The following PACRG variants were observed in gnomAD, a reference collection of about 807,000 sequenced individuals.
The protein encoded by PACRG is parkin coregulated gene protein.
In PACRG, 29 loss-of-function variants were observed where a neutral mutation model predicts 29.7. That is an observed-to-expected ratio of 0.98 (90% CI 0.73 to 1.33). PACRG has a LOEUF of 1.33. PACRG is among the 40% of genes most tolerant of loss of function. The probability of loss-of-function intolerance (pLI) is 0.00; values close to 1 mark genes in which losing one functional copy is unlikely to be tolerated. For missense variants in PACRG, 279 were observed against 316.2 expected, an observed-to-expected ratio of 0.88 and a Z score of 0.89; for synonymous variants, 116 against 118.7, an observed-to-expected ratio of 0.98 and a Z score of 0.15.
chr6:163,041,951 C>T (rs144592017), intron 2 of PACRG, among the ~76,000 whole-genome samples: 2,434 of 152,244 alleles, frequency 0.016, 76 homozygotes, highest in Admixed American at 0.085. Flanking sequence ...CTGCAACTTC[C>T]GCCTCCCGGG....
At chr6:163,225,591 C>T (rs770680597) in intron 4 of PACRG, among the ~76,000 whole-genome samples, 4 of 152,128 alleles carry the variant, frequency 2.6e-5, no homozygotes, top group Non-Finnish European at 5.9e-5. Context: ...AAAAAGAGGA[C>T]CCTTACGCAC....
chr6:163,017,688 A>C (rs531022617), intron 2 of PACRG, among the ~76,000 whole-genome samples: 14 of 152,318 alleles, frequency 9.2e-5, no homozygotes, highest in Non-Finnish European at 1.9e-4. Flanking sequence ...AGAGACAGAC[A>C]GACAGACGGA....
chr6:162,934,569 A>G (rs961768506), intron 2 of PACRG, among the ~76,000 whole-genome samples: 1 of 152,126 alleles, frequency 6.6e-6, no homozygotes. Context: ...TATATCTTTT[A>G]GGTGGGGAAT....
At chr6:162,732,315 G>T (rs1779831867) in intron 1 of PACRG, among the ~76,000 whole-genome samples, 1 of 152,136 alleles carries the variant, frequency 6.6e-6, no homozygotes, top group Non-Finnish European at 1.5e-5. Context: ...GGAGCAATCT[G>T]CAAGAATGAG....
At chr6:162,944,191 G>A (rs1798835777) in intron 2 of PACRG, among the ~76,000 whole-genome samples, 1 of 152,160 alleles carries the variant, frequency 6.6e-6, no homozygotes, top group Admixed American at 6.5e-5. Context: ...AAGCCACTGA[G>A]GAAATTACAG....
At chr6:162,875,357 A>T (rs1368831422) in intron 2 of PACRG, among the ~76,000 whole-genome samples, 2 of 152,068 alleles carry the variant, frequency 1.3e-5, no homozygotes, top group African/African-American at 4.8e-5. Context: ...ATGCACACAC[A>T]TTCACACACA....
rs544867328 is a variant in PACRG at position 162,970,798 on chromosome 6, A to C, written c.292-91352A>C. ...TCTCATCACAATTCAGATCCCAAAC[A>C]GGTAAAAATTACAACATAAAGCAAA... On this transcript the variant is annotated intron_variant, in intron 2 of 4. Transcript: ENST00000366888. 1.7e-3 allele frequency among the ~76,000 whole-genome samples: 264 copies of C among 151,492 alleles called. 5 individuals carry two copies. Among genetic ancestry groups the C allele is most frequent in the African/African-American group, 6.0e-3 (248 of 41,310 alleles).
chr6:162,914,900 G>T (rs1397096819), intron 2 of PACRG, among the ~76,000 whole-genome samples: 2 of 151,878 alleles, frequency 1.3e-5, no homozygotes, highest in Admixed American at 6.6e-5. Flanking sequence ...CTTGCATCTT[G>T]CAGATTATAT....
intron 4 of PACRG, among the ~76,000 whole-genome samples, chr6:163,252,714 G>A (rs1284594999): frequency 6.6e-6 from 1 of 152,202 alleles, no homozygotes. Flanking sequence ...TCACAAAGAC[G>A]CTTTTAACCT....
At chr6:162,784,976 A>G (rs931393155) in intron 1 of PACRG, among the ~76,000 whole-genome samples, 14 of 152,196 alleles carry the variant, frequency 9.2e-5, no homozygotes, top group Admixed American at 5.2e-4. Flanking sequence ...CTCAAATAGC[A>G]TTAGTAACAA....
intron 4 of PACRG, among the ~76,000 whole-genome samples, chr6:163,149,288 C>A (rs893696747): frequency 1.3e-5 from 2 of 152,162 alleles, no homozygotes; most frequent in Non-Finnish European, 2.9e-5. Flanking sequence ...CGGCCCTCCC[C>A]AGGCCTCTCT....
chr6:163,229,236 C>T (rs1408580253), intron 4 of PACRG, among the ~76,000 whole-genome samples: 1 of 152,088 alleles, frequency 6.6e-6, no homozygotes, highest in Non-Finnish European at 1.5e-5. Flanking sequence ...ACACCTATGG[C>T]ACTCAGGGGG....
intron 4 of PACRG, among the ~76,000 whole-genome samples, chr6:163,186,742 C>T (rs945366210): frequency 2.0e-5 from 3 of 152,182 alleles, no homozygotes; most frequent in African/African-American, 7.2e-5. Context: ...CCTTTGCTTC[C>T]GAGTAGTTTG....
intron 2 of PACRG, among the ~76,000 whole-genome samples, chr6:163,009,476 C>T (rs1486551260): frequency 1.3e-5 from 2 of 152,200 alleles, no homozygotes; most frequent in East Asian, 3.8e-4. Context: ...TGGTTCATTA[C>T]ACTTAATGAT....
chr6:163,062,529 C>T (rs1197776360), intron 3 of PACRG, among the ~76,000 whole-genome samples: 3 of 152,144 alleles, frequency 2.0e-5, no homozygotes, highest in African/African-American at 7.2e-5. Context: ...CATAAATAAA[C>T]CAAATTCCAT....
intron 2 of PACRG, among the ~76,000 whole-genome samples, chr6:162,921,746 CAT>C (rs1366554710): frequency 3.9e-5 from 6 of 152,262 alleles, no homozygotes; most frequent in East Asian, 1.9e-4. Flanking sequence ...ATTACTGAGA[CAT>C]GTGGGAATCC....
At chr6:162,927,103 A>G (rs543112445) in intron 2 of PACRG, among the ~76,000 whole-genome samples, 4 of 152,298 alleles carry the variant, frequency 2.6e-5, no homozygotes, top group Non-Finnish European at 5.9e-5. Flanking sequence ...CCATGATGAG[A>G]TACCATCTCC....
Position 163,314,918 on chromosome 6 carries a change from C to T in PACRG, c.705C>T (p.Tyr235=), listed in dbSNP as rs769427583. ...IQETLEAFER[Y]GGENAFINIK... is the part of the protein sequence containing the mutation. Reference sequence around the variant, plus strand: ...AGACACTGGAGGCCTTCGAGCGCTACGGAGGAGAAAATGCCTTTATCAACA... The same window carrying T: ...AGACACTGGAGGCCTTCGAGCGCTATGGAGGAGAAAATGCCTTTATCAACA... Residue 235 remains tyrosine, a synonymous_variant, in exon 5 of 5, where the codon TAC becomes TAT. Coordinates refer to ENST00000366888, the MANE Select transcript of PACRG (RefSeq NM_001080379.2). 27 of 1,614,014 alleles carry T rather than the reference C, an allele frequency of 1.7e-5. No individual in the cohort carries two copies. Among genetic ancestry groups the T allele is most frequent in the African/African-American group, 2.7e-5 (2 of 74,902 alleles).
chr6:163,073,830 G>A (rs1204857780), intron 3 of PACRG, among the ~76,000 whole-genome samples: 1 of 152,170 alleles, frequency 6.6e-6, no homozygotes, highest in Non-Finnish European at 1.5e-5. Context: ...CATATGAAAA[G>A]GTTCTCGACA....
Sources: allele counts gnomAD v4.1 joint callset (sites outside exome capture counted in the v4.1 genomes callset), GRCh38; gene constraint gnomAD v4.1.1; transcripts MANE v1.5; gene names NCBI Gene and HGNC (gene_info 2026-07-23, HGNC 2026-07-21).